Variants in CATSPER2 observed in about 807,000 individuals in gnomAD.
CATSPER2 encodes the protein cation channel sperm associated 2.
A neutral mutation model predicts 68.8 loss-of-function variants in CATSPER2; 56 were observed. That is an observed-to-expected ratio of 0.81 (90% CI 0.66 to 1.02). CATSPER2 has a LOEUF of 1.02. Among genes scored for constraint, CATSPER2 ranks in the 50% least tolerant of loss-of-function variants. The probability of loss-of-function intolerance (pLI) is 0.00; values close to 1 mark genes in which losing one functional copy is unlikely to be tolerated. For missense variants in CATSPER2, 582 were observed against 642.0 expected, an observed-to-expected ratio of 0.91 and a Z score of 1.01; for synonymous variants, 198 against 229.9, an observed-to-expected ratio of 0.86 and a Z score of 1.26.
intron 9 of CATSPER2, 145 bp downstream of exon 9, chr15:43,635,582 G>GC (rs1299108136): frequency 1.0e-6 from 1 of 988,290 alleles, no homozygotes; most frequent in Non-Finnish European, 1.6e-6. Flanking sequence ...GAAGAATCAG[G>GC]CAATATTCTA....
chr15:43,632,692 T>C (rs2085896034), intron 11 of CATSPER2, 25 bp downstream of exon 11: 1 of 1,612,552 alleles, frequency 6.2e-7, no homozygotes, highest in Non-Finnish European at 8.5e-7. Context: ...TGGAAAAAAC[T>C]CATTATTATA....
At chr15:43,641,232 T>C (rs1262491522) in intron 4 of CATSPER2, among the ~76,000 whole-genome samples, 1 of 151,522 alleles carries the variant, frequency 6.6e-6, no homozygotes, top group Non-Finnish European at 1.5e-5. Flanking sequence ...TTCTCCTGCC[T>C]CAGCCTTCCG....
rs1438846209 is a variant in CATSPER2, at chr15:43,629,739, A to G, written c.*962T>C. 2 of 151,540 alleles carry G rather than the reference A, an allele frequency of 1.3e-5. No homozygotes were observed. Among genetic ancestry groups the G allele is most frequent in the African/African-American group, 4.9e-5 (2 of 41,110 alleles). 9.4% of individuals were successfully genotyped at this position (151,540 alleles called of 1,614,324 possible). A position where few individuals can be genotyped will look rare whatever the true frequency, so the allele number is the denominator to read the frequency against. On this transcript the variant is annotated 3_prime_UTR_variant, in exon 13 of 13. Coordinates refer to ENST00000396879, the MANE Select transcript of CATSPER2 (RefSeq NM_172095.4). ...CTCTGAAATCCCTTCTAACACTAAA[A>G]ACCTGTACAACACTTACTGATTTGA...
In CATSPER2 at chr15:43,639,021, G is replaced by A; in HGVS notation, c.725C>T (p.Thr242Ile). 1.2e-6 allele frequency: 2 copies of A among 1,612,382 alleles called. No individual in the cohort carries two copies. The highest frequency in any genetic ancestry group is 1.7e-6 in the Non-Finnish European group (2 of 1,179,074). ...GATGAGCAGCAACATCAAGAGGAAG[G>A]TCATGCTCTAGAGGCCATAACTCTC... ...LVLVRALKSM[T>I]FLLMLLLIFF... Residue 242 changes from threonine to isoleucine, a missense_variant, in exon 7 of 13, where the codon ACC becomes ATC. This residue lies in a region of CATSPER2 where 91 missense variants were observed against 72.8 expected (regional missense o/e 1.25). Coordinates refer to ENST00000396879, the MANE Select transcript of CATSPER2 (RefSeq NM_172095.4).
intron 4 of CATSPER2, among the ~76,000 whole-genome samples, chr15:43,641,723 T>C (rs1171032926): frequency 6.6e-6 from 1 of 151,946 alleles, no homozygotes; most frequent in African/African-American, 2.4e-5. Context: ...ATGCTTGTTT[T>C]GAGAGAGAAT....
In CATSPER2 at chr15:43,648,839, A is replaced by C. The variant is rs979543652; in HGVS notation, c.-213T>G. 1 of 1,529,388 alleles carries C rather than the reference A, an allele frequency of 6.5e-7. No individual in the cohort carries two copies. The highest frequency in any genetic ancestry group is 2.5e-5 in the East Asian group (1 of 40,098). 94.7% of individuals were successfully genotyped at this position (1,529,388 alleles called of 1,614,324 possible). A position where few individuals can be genotyped will look rare whatever the true frequency, so the allele number is the denominator to read the frequency against. On this transcript the variant is annotated 5_prime_UTR_variant, in exon 1 of 13. Transcript: ENST00000396879. ...CTACCCACAGCCCAGGACCATGCGG[A>C]GCAACGCTCGCCCAGCCACTCGCCG...
In CATSPER2 at chr15:43,640,017, T is replaced by A. The variant is rs1227943665; in HGVS notation, c.562-219A>T. The A allele has an allele frequency of 6.9e-6, 10 of 1,446,658 alleles. No individual in the cohort carries two copies. The Admixed American group carries it at 2.3e-4, about 34-fold the overall frequency. 89.6% of individuals were successfully genotyped at this position (1,446,658 alleles called of 1,614,324 possible). ...AAGGGGGATAAAATTCATGGTTATTTAATTGGGTTGTTGTGGAGCATAAAT... is the reference window on the plus strand; with the variant it reads ...AAGGGGGATAAAATTCATGGTTATTAAATTGGGTTGTTGTGGAGCATAAAT... On this transcript the variant is annotated intron_variant, in intron 5 of 12. Transcript: ENST00000396879.
chr15:43,646,090 C>T (rs7171919), intron 4 of CATSPER2, among the ~76,000 whole-genome samples: 5,306 of 151,798 alleles, frequency 0.035, 347 homozygotes, highest in African/African-American at 0.12. Flanking sequence ...AATGTTAGAT[C>T]GTTCACTGAT....
rs368268477 is a variant in CATSPER2 at position 43,638,962 on chromosome 15, C to T, written c.784G>A (p.Val262Ile). 9.7e-5 allele frequency: 156 copies of T among 1,612,966 alleles called. 1 individual carries two copies. In the Admixed American group the frequency reaches 2.1e-3, roughly 22 times the overall value. Residue 262 changes from valine to isoleucine, a missense_variant, in exon 7 of 13, where the codon GTC becomes ATC. Transcript: ENST00000396879. ...GGTGAACGGGTGTACTCTGAGAAGA[C>T]GTAGACACCAGTCACAGCAAAAATG... ...FYIFAVTGVY[V>I]FSEYTRSPRQ...
chr15:43,645,349 C>A (rs1461816304), intron 4 of CATSPER2, among the ~76,000 whole-genome samples: 1 of 151,872 alleles, frequency 6.6e-6, no homozygotes, highest in Non-Finnish European at 1.5e-5. Flanking sequence ...AACCACCATG[C>A]CTGGGCCCCA....
At chr15:43,644,099 T>G (rs544840379) in intron 4 of CATSPER2, among the ~76,000 whole-genome samples, 3 of 152,080 alleles carry the variant, frequency 2.0e-5, no homozygotes, top group South Asian at 4.1e-4. Flanking sequence ...ATGAGATTTT[T>G]AAAATAAGCC....
In CATSPER2 at chr15:43,647,397, C is replaced by T. The variant is rs536026719; in HGVS notation, c.216G>A (p.Gln72=). ...GGGCATGTGAAATCTGTTCTATACGCTGAGGCTTTATAGAGAAACGCACTA... is the reference window on the plus strand; with the variant it reads ...GGGCATGTGAAATCTGTTCTATACGTTGAGGCTTTATAGAGAAACGCACTA... ...HQLVRFSIKP[Q]RIEQISHAQR... The change falls in exon 3 of 13, where the codon CAG becomes CAA. Residue 72 remains glutamine, a synonymous_variant. Coordinates refer to ENST00000396879, the MANE Select transcript of CATSPER2 (RefSeq NM_172095.4). 1.3e-4 allele frequency: 204 copies of T among 1,613,520 alleles called. No homozygotes were observed. Among genetic ancestry groups the T allele is most frequent in the African/African-American group, 5.2e-4 (39 of 74,978 alleles).
At chr15:43,645,481 C>G (rs2086147897) in intron 4 of CATSPER2, among the ~76,000 whole-genome samples, 1 of 151,804 alleles carries the variant, frequency 6.6e-6, no homozygotes, top group South Asian at 2.1e-4. Context: ...CATAACTACT[C>G]CCTTCTCTTA....
intron 4 of CATSPER2, among the ~76,000 whole-genome samples, chr15:43,644,114 G>T (rs1451969789): frequency 6.6e-6 from 1 of 151,836 alleles, no homozygotes; most frequent in Admixed American, 6.6e-5. Context: ...TAAGCCAATT[G>T]GTGTTTAAAA....
intron 7 of CATSPER2, among the ~76,000 whole-genome samples, chr15:43,637,243 T>G (rs1006351098): frequency 7.9e-5 from 12 of 151,964 alleles, no homozygotes; most frequent in Admixed American, 6.6e-5. Flanking sequence ...ATTCACAAAA[T>G]TATTCCTATT....
At position 43,647,118 on chromosome 15, in the gene CATSPER2, C is replaced by T; in HGVS notation, c.320G>A (p.Cys107Tyr). Residue 107 changes from cysteine (C) to tyrosine (Y), a missense_variant and splice_region_variant, in exon 4 of 13, where the codon TGT becomes TAT. Coordinates refer to ENST00000396879, the MANE Select transcript of CATSPER2 (RefSeq NM_172095.4). ...LSLWAGWVLE[C>Y]PLFKNFIIFL... ...GATGATGAAGTTTTTGAAGAGAGGA[C>T]CTGTTGTCTCTTAAGGAAATGTACA... is the stretch of plus-strand genomic sequence containing the variant. 6.2e-7 allele frequency: 1 copy of T among 1,610,944 alleles called. No homozygotes were observed. The highest frequency in any genetic ancestry group is 8.5e-7 in the Non-Finnish European group (1 of 1,177,296).
chr15:43,643,242 A>C (rs2086103145), intron 4 of CATSPER2, among the ~76,000 whole-genome samples: 1 of 152,034 alleles, frequency 6.6e-6, no homozygotes, highest in Non-Finnish European at 1.5e-5. Context: ...ACACTGCAAC[A>C]AACTGATATG....
chr15:43,637,631 A>T (rs1253563482), intron 7 of CATSPER2: 6 of 152,018 alleles, frequency 3.9e-5, no homozygotes, highest in Non-Finnish European at 7.4e-5. Flanking sequence ...TTTAATATTT[A>T]AAAAATATGT....
chr15:43,641,702 T>C (rs2086077183), intron 4 of CATSPER2, among the ~76,000 whole-genome samples: 1 of 151,898 alleles, frequency 6.6e-6, no homozygotes, highest in South Asian at 2.1e-4. Context: ...AGTTACGCTA[T>C]ACTTATTTCT....
Sources: allele counts gnomAD v4.1 joint callset (sites outside exome capture counted in the v4.1 genomes callset), GRCh38; gene constraint gnomAD v4.1.1; regional missense constraint gnomAD v4.1.1; transcripts MANE v1.5; gene names NCBI Gene and HGNC (gene_info 2026-07-23, HGNC 2026-07-21).